HSD17B12: variants seen among roughly 807,000 people sequenced by gnomAD.
The protein encoded by HSD17B12 is hydroxysteroid 17-beta dehydrogenase 12, also known as very-long-chain 3-oxoacyl-CoA reductase.
In HSD17B12, 32 loss-of-function variants were observed where a neutral mutation model predicts 39.3. That is an observed-to-expected ratio of 0.81 (90% CI 0.61 to 1.09). The LOEUF is 1.09. HSD17B12 is among the 50% of genes least tolerant of loss of function. HSD17B12 has a pLI of 0.00. For missense variants in HSD17B12, 342 were observed against 382.9 expected (o/e 0.89, Z 0.89); for synonymous variants, 150 against 146.7 (o/e 1.02, Z -0.16).
chr11:43,793,698 C>A (rs1201715290), intron 3 of HSD17B12, among the ~76,000 whole-genome samples: 1 of 152,080 alleles, frequency 6.6e-6, no homozygotes, highest in Non-Finnish European at 1.5e-5. Context: ...CATCTTGAGA[C>A]TATTTGAGGG....
At chr11:43,581,277 G>T in the HSD17B12 span, 3 of 460,026 alleles carry the variant, frequency 6.5e-6, no homozygotes, top group African/African-American at 4.0e-5. This position sits in a 1 kb window ranked among gnomAD's most constrained non-coding sequence, Gnocchi z 4.9. Flanking sequence ...GGCAGCGCGC[G>T]GAGTGGTGAG....
At chr11:43,718,267 C>T (rs1288055263) in intron 1 of HSD17B12, among the ~76,000 whole-genome samples, 1 of 152,230 alleles carries the variant, frequency 6.6e-6, no homozygotes, top group Non-Finnish European at 1.5e-5. Context: ...TAGTGTGCTA[C>T]AGTCTGCCCT....
At chr11:43,690,400 A>ATT (rs1565049826) in intron 1 of HSD17B12, among the ~76,000 whole-genome samples, 6 of 27,160 alleles carry the variant, frequency 2.2e-4, no homozygotes, top group Non-Finnish European at 2.9e-4. Context: ...ATATATATAT[A>ATT]TATATTTTTT....
chr11:43,818,088 G>A (rs987952600), intron 6 of HSD17B12, among the ~76,000 whole-genome samples: 1 of 152,074 alleles, frequency 6.6e-6, no homozygotes, highest in African/African-American at 2.4e-5. Flanking sequence ...AAGCACTGTG[G>A]TAGCTACTGG....
At chr11:43,803,125 T>A (rs561658710) in intron 4 of HSD17B12, among the ~76,000 whole-genome samples, 2 of 152,342 alleles carry the variant, frequency 1.3e-5, no homozygotes, top group African/African-American at 4.8e-5. Flanking sequence ...GATGGAACTA[T>A]TAAAATACTT....
At chr11:43,749,177 G>A (rs935569706) in intron 1 of HSD17B12, among the ~76,000 whole-genome samples, 2 of 152,032 alleles carry the variant, frequency 1.3e-5, no homozygotes, top group African/African-American at 4.8e-5. Flanking sequence ...ATGGTATCAA[G>A]GACAGGCTGA....
chr11:43,600,750 T>C, the HSD17B12 span, among the ~76,000 whole-genome samples: 1 of 151,984 alleles, frequency 6.6e-6, no homozygotes, highest in Admixed American at 6.6e-5. Context: ...AATTATAATA[T>C]GTACCTCATA....
At chr11:43,851,178 G>A (rs1951527194) in intron 9 of HSD17B12, among the ~76,000 whole-genome samples, 1 of 152,156 alleles carries the variant, frequency 6.6e-6, no homozygotes, top group Non-Finnish European at 1.5e-5. Context: ...TTGCCATGTG[G>A]GAATGCTAAA....
chr11:43,846,031 G>A (rs112749517), intron 9 of HSD17B12, among the ~76,000 whole-genome samples: 1 of 152,342 alleles, frequency 6.6e-6, no homozygotes, highest in Non-Finnish European at 1.5e-5. Flanking sequence ...TATGAAAACT[G>A]CATTGGTCAT....
intron 6 of HSD17B12, among the ~76,000 whole-genome samples, chr11:43,828,363 C>T (rs9651614): frequency 0.68 from 90,162 of 132,898 alleles, 28,806 homozygotes; most frequent in Middle Eastern, 0.74. Context: ...GGGATGGTCT[C>T]GATCTCCTGA....
At chr11:43,814,571 A>T (rs1423419162) in intron 4 of HSD17B12, among the ~76,000 whole-genome samples, 1 of 152,208 alleles carries the variant, frequency 6.6e-6, no homozygotes, top group Non-Finnish European at 1.5e-5. Context: ...CTAAATATAT[A>T]TAGGTTTATT....
chr11:43,819,275 T>G (rs564627580), intron 6 of HSD17B12, among the ~76,000 whole-genome samples: 1 of 152,314 alleles, frequency 6.6e-6, no homozygotes, highest in African/African-American at 2.4e-5. Context: ...TGTAAAACCC[T>G]GGCCTCTTCT....
At chr11:43,619,187 T>TATATATATATGATATATATATATATAAA in the HSD17B12 span, among the ~76,000 whole-genome samples, 36 of 72,934 alleles carry the variant, frequency 4.9e-4, no homozygotes, top group South Asian at 4.2e-4. Flanking sequence ...ATATAAAATA[T>TATATATATATGATATATATATATATAAA]ATATATATAT....
the HSD17B12 span, among the ~76,000 whole-genome samples, chr11:43,596,202 G>A: frequency 7.2e-5 from 11 of 152,050 alleles, no homozygotes; most frequent in African/African-American, 2.2e-4. Flanking sequence ...CAAACCCCCC[G>A]TTTTACATAA....
intron 3 of HSD17B12, among the ~76,000 whole-genome samples, chr11:43,777,259 G>T (rs553455444): frequency 1.3e-5 from 2 of 152,182 alleles, no homozygotes; most frequent in Admixed American, 6.5e-5. Flanking sequence ...TCTTCCATTT[G>T]TTTGTATCCT....
chr11:43,829,482 A>T (rs1407309581), intron 6 of HSD17B12, among the ~76,000 whole-genome samples: 1 of 152,200 alleles, frequency 6.6e-6, no homozygotes, highest in Non-Finnish European at 1.5e-5. Context: ...CAGAAAGCAG[A>T]CATTTAATAT....
the HSD17B12 span, among the ~76,000 whole-genome samples, chr11:43,648,185 C>T: frequency 6.6e-6 from 1 of 151,858 alleles, no homozygotes; most frequent in Non-Finnish European, 1.5e-5. Flanking sequence ...TCTCAGTGTG[C>T]CTTTGTGGGG....
At chr11:43,577,330 T>A in the HSD17B12 span, among the ~76,000 whole-genome samples, 1 of 152,000 alleles carries the variant, frequency 6.6e-6, no homozygotes, top group Admixed American at 6.6e-5. Context: ...GTGAGAGCTT[T>A]GGGGGGAAGG....
the HSD17B12 span, among the ~76,000 whole-genome samples, chr11:43,586,729 A>G: frequency 6.6e-6 from 1 of 152,186 alleles, no homozygotes; most frequent in Non-Finnish European, 1.5e-5. Context: ...ATTGAACTCC[A>G]CTATTTCAGC....
Sources: gnomAD v4.1 joint callset for allele counts (sites outside exome capture counted in the v4.1 genomes callset) on GRCh38, gnomAD v4.1.1 for gene constraint, Gnocchi (gnomAD v3.1) non-coding constraint, MANE v1.5 for transcripts, NCBI Gene and HGNC (gene_info 2026-07-23, HGNC 2026-07-21) for gene names.